Variants in TUT4 observed in about 807,000 individuals in gnomAD.
TUT4 encodes terminal uridylyltransferase 4.
In TUT4, 36 loss-of-function variants were observed where a neutral mutation model predicts 192.2. That is an observed-to-expected ratio of 0.19 (90% confidence interval 0.14 to 0.25). TUT4 has a LOEUF of 0.25. Ranked by LOEUF, TUT4 falls within the 10% of genes least tolerant of loss-of-function variation. The probability of loss-of-function intolerance (pLI) is 1.00; values close to 1 mark genes in which losing one functional copy is unlikely to be tolerated. For synonymous variants in TUT4, 618 were observed against 666.0 expected (o/e 0.93, Z 1.11); for missense variants, 1,493 against 1,957.2 (o/e 0.76, Z 4.47).
At chr1:52,523,609 C>T (rs1009538758) in intron 2 of TUT4, among the ~76,000 whole-genome samples, 3 of 150,994 alleles carry the variant, frequency 2.0e-5, no homozygotes, top group Admixed American at 2.0e-4. Flanking sequence ...CAAAACCAAA[C>T]CAAAACAAAA....
At chr1:52,528,178 C>T (rs1180195950) in intron 1 of TUT4, among the ~76,000 whole-genome samples, 3 of 143,372 alleles carry the variant, frequency 2.1e-5, no homozygotes, top group Admixed American at 1.4e-4. Flanking sequence ...GACTCCATCT[C>T]GAAAAAAATA....
At chr1:52,546,385 T>C (rs1688100502) in intron 1 of TUT4, among the ~76,000 whole-genome samples, 2 of 152,210 alleles carry the variant, frequency 1.3e-5, no homozygotes, top group Admixed American at 6.5e-5. Context: ...AAGGAAATTC[T>C]GCAATATGCC....
chr1:52,498,914 A>G (rs1387669866), intron 4 of TUT4, among the ~76,000 whole-genome samples: 1 of 15,808 alleles, frequency 6.3e-5, no homozygotes, highest in African/African-American at 1.8e-4. Context: ...ATATATATAT[A>G]TATATATATA....
At chr1:52,493,265 T>C (rs1227039063) in intron 7 of TUT4, among the ~76,000 whole-genome samples, 1 of 152,100 alleles carries the variant, frequency 6.6e-6, no homozygotes, top group Admixed American at 6.6e-5. Flanking sequence ...GTGTTTTTAG[T>C]AGAGACGGGG....
At chr1:52,465,031 A>G (rs550907020) in intron 16 of TUT4, 39 bp downstream of exon 16, 2 of 1,483,606 alleles carry the variant, frequency 1.3e-6, no homozygotes, top group South Asian at 2.5e-5. Flanking sequence ...CGTCATTGGG[A>G]GAAAATAAAC....
intron 4 of TUT4, among the ~76,000 whole-genome samples, chr1:52,501,662 G>A (rs1327218846): frequency 1.3e-5 from 2 of 152,122 alleles, no homozygotes; most frequent in Non-Finnish European, 2.9e-5. Flanking sequence ...GTACATCGAT[G>A]TTCACAGCAA....
At chr1:52,465,360 C>G (rs1267911738) in intron 15 of TUT4, among the ~76,000 whole-genome samples, 187 bp from the exon 16 acceptor site, 3 of 152,176 alleles carry the variant, frequency 2.0e-5, no homozygotes, top group Admixed American at 2.0e-4. Flanking sequence ...GTTCCCATAC[C>G]CATGTACCCA....
At chr1:52,462,322 A>T (rs1204088093) in intron 16 of TUT4, 1 of 151,946 alleles carries the variant, frequency 6.6e-6, no homozygotes, top group Non-Finnish European at 1.5e-5. Flanking sequence ...AGTTGCTGGG[A>T]CTACAGGCAC....
Position 52,496,996 on chromosome 1 carries a change from G to GT in TUT4, c.1177+9dup. ...TGATTTTCAAAATCAAATATGAAAT[G>GT]TATTTCTACCTGGTAAAAATGTCGT... On this transcript the variant is annotated intron_variant, in intron 5 of 29. Coordinates refer to ENST00000257177, the MANE Select transcript of TUT4 (RefSeq NM_001009881.3). The GT allele has an allele frequency of 6.2e-7, 1 of 1,609,668 alleles. No homozygotes were observed. Among genetic ancestry groups the GT allele is most frequent in the Non-Finnish European group, 8.5e-7 (1 of 1,178,462 alleles).
chr1:52,453,065 ATTG>A (rs995172057), intron 20 of TUT4, among the ~76,000 whole-genome samples: 7 of 152,152 alleles, frequency 4.6e-5, no homozygotes, highest in Non-Finnish European at 8.8e-5. Context: ...TTCTGTGATT[ATTG>A]TTGTTGAGTA....
At chr1:52,430,915 CA>C (rs1468096470) in intron 28 of TUT4, 97 bp downstream of exon 28, 2 of 1,370,748 alleles carry the variant, frequency 1.5e-6, no homozygotes, top group African/African-American at 2.9e-5. Context: ...GTCCCCTCCA[CA>C]AATACTGCTT....
intron 7 of TUT4, among the ~76,000 whole-genome samples, chr1:52,492,906 CAT>C (rs1408945328): frequency 6.6e-6 from 1 of 152,148 alleles, no homozygotes; most frequent in Non-Finnish European, 1.5e-5. Context: ...TGGGAAAAAA[CAT>C]ATTTACTCAA....
At chr1:52,513,623 C>T (rs1677901609) in intron 3 of TUT4, among the ~76,000 whole-genome samples, 1 of 152,012 alleles carries the variant, frequency 6.6e-6, no homozygotes, top group African/African-American at 2.4e-5. Flanking sequence ...CCAATGCTTC[C>T]AAGCTTTATT....
At position 52,431,449 on chromosome 1, in the gene TUT4, T is replaced by C. The variant is rs1421426758; in HGVS notation, c.4275A>G (p.Pro1425=). ...TRQSSECSES[P]SYSPQPQPFP... The stretch of plus-strand genomic sequence containing the variant: ...ATGGCTGAGGCTGAGGAGAATAAGA[T>C]GGTGATTCAGACTGCAGACAAAAAA... Residue 1425 remains proline (P), a synonymous_variant, in exon 28 of 30, where the codon CCA becomes CCG. Transcript: ENST00000257177. 3 of 1,597,094 alleles carry C rather than the reference T, an allele frequency of 1.9e-6. No individual in the cohort carries two copies. The highest frequency in any genetic ancestry group is 2.6e-6 in the Non-Finnish European group (3 of 1,167,880).
rs184814496 is a variant in TUT4, at chr1:52,469,011, G to A, written c.2879-744C>T. On this transcript the variant is annotated intron_variant, in intron 14 of 29. Coordinates refer to ENST00000257177, the MANE Select transcript of TUT4 (RefSeq NM_001009881.3). ...ATTCAGCTTTTTAAAAACAAATGCA[G>A]TTATCAGTGCTTACAGAAGAAGGGG... Among the ~76,000 whole-genome samples, 529 of 151,140 alleles carry A rather than the reference G, an allele frequency of 3.5e-3. 4 individuals are homozygous for A. The highest frequency in any genetic ancestry group is 0.013 in the African/African-American group (512 of 40,588).
At chr1:52,545,998 G>C (rs1313277252) in intron 1 of TUT4, among the ~76,000 whole-genome samples, 1 of 150,430 alleles carries the variant, frequency 6.6e-6, no homozygotes. Context: ...AATTGGCCAG[G>C]TGTGGTCGCA....
At chr1:52,515,506 C>T (rs1678490789) in intron 3 of TUT4, 1 of 299,884 alleles carries the variant, frequency 3.3e-6, no homozygotes, top group South Asian at 9.5e-5. Context: ...AACTACTCAA[C>T]TCAAATTTCC....
intron 12 of TUT4, among the ~76,000 whole-genome samples, chr1:52,476,030 A>G (rs1242948271): frequency 6.6e-6 from 1 of 152,110 alleles, no homozygotes; most frequent in Non-Finnish European, 1.5e-5. Flanking sequence ...TTTTTAGTAG[A>G]GATGGAGTTT....
At chr1:52,473,486 G>A (rs138038910) in intron 13 of TUT4, among the ~76,000 whole-genome samples, 88 of 152,216 alleles carry the variant, frequency 5.8e-4, no homozygotes, top group African/African-American at 2.0e-3. Context: ...ATAGGTTTGT[G>A]GCATTGACAG....
Sources: allele counts gnomAD v4.1 joint callset (sites outside exome capture counted in the v4.1 genomes callset), GRCh38; gene constraint gnomAD v4.1.1; transcripts MANE v1.5; gene names NCBI Gene and HGNC (gene_info 2026-07-23, HGNC 2026-07-21).